Variants in MED31 observed in about 807,000 individuals in gnomAD.
MED31 encodes the protein mediator of RNA polymerase II transcription subunit 31.
Under a neutral mutation model 22.0 loss-of-function variants are expected in MED31, and 11 were observed. That is an observed-to-expected ratio of 0.50 (90% CI 0.31 to 0.83). The LOEUF is 0.83. Ranked by LOEUF, MED31 falls within the 40% of genes least tolerant of loss-of-function variation. The pLI, the probability that MED31 is intolerant of heterozygous loss-of-function variation, is 0.04. For synonymous variants in MED31, 60 were observed against 55.1 expected, an observed-to-expected ratio of 1.09 and a Z score of -0.40; for missense variants, 122 against 155.3, an observed-to-expected ratio of 0.79 and a Z score of 1.14.
chr17:6,645,337 A>C (rs919557997), intron 3 of MED31, among the ~76,000 whole-genome samples: 1 of 152,238 alleles, frequency 6.6e-6, no homozygotes, highest in East Asian at 1.9e-4. Context: ...GTGTGCATGT[A>C]TACACATACA....
rs1972729309 is a variant in MED31 at position 6,643,950 on chromosome 17, TAC to T, written c.*515_*516del. 4 of 396,420 alleles carry T rather than the reference TAC, an allele frequency of 1.0e-5. No individual in the cohort carries two copies. The highest frequency in any genetic ancestry group is 1.8e-5 in the Non-Finnish European group (4 of 225,092). 24.6% of individuals were successfully genotyped at this position (396,420 alleles called of 1,614,324 possible). ...TAAAGCCACCTTGCAAAGCAGGTAA[TAC>T]AGTTATTTCCTGTCCTGCAGAATTC... is the stretch of plus-strand genomic sequence containing the variant. On this transcript the variant is annotated 3_prime_UTR_variant, in exon 4 of 4. Coordinates refer to ENST00000225728, the MANE Select transcript of MED31 (RefSeq NM_016060.3).
At position 6,644,435 on chromosome 17, in the gene MED31, A is replaced by G. The variant is rs535402230; in HGVS notation, c.*32T>C. On this transcript the variant is annotated 3_prime_UTR_variant, in exon 4 of 4. Coordinates refer to ENST00000225728, the MANE Select transcript of MED31 (RefSeq NM_016060.3). ...TGTACAAAAGAAATACATTATATACATGTATTAAGTGCCTCGTTTGTATCC... is the reference window on the plus strand; with the variant it reads ...TGTACAAAAGAAATACATTATATACGTGTATTAAGTGCCTCGTTTGTATCC... The G allele has an allele frequency of 6.5e-6, 10 of 1,549,174 alleles. No individual in the cohort carries two copies. The highest frequency in any genetic ancestry group is 8.7e-6 in the Non-Finnish European group (10 of 1,152,324).
At chr17:6,647,189 A>G (rs1972778073) in intron 3 of MED31, among the ~76,000 whole-genome samples, 1 of 152,138 alleles carries the variant, frequency 6.6e-6, no homozygotes, top group African/African-American at 2.4e-5. Context: ...ATGATCAATA[A>G]ATACTGAAGG....
At chr17:6,650,298 CTCT>C in intron 2 of MED31, 55 bp downstream of exon 2, 1 of 1,534,262 alleles carries the variant, frequency 6.5e-7, no homozygotes, top group Non-Finnish European at 9.0e-7. Flanking sequence ...TGAACTGCAA[CTCT>C]TCTGTCAGAA....
intron 3 of MED31, among the ~76,000 whole-genome samples, chr17:6,649,175 C>A (rs1597634124): frequency 6.8e-6 from 1 of 146,896 alleles, no homozygotes; most frequent in African/African-American, 2.5e-5. Flanking sequence ...CTGCTTAAGA[C>A]AAAGCAGGGG....
In MED31 at chr17:6,644,409, C is replaced by T; in HGVS notation, c.*58G>A. On this transcript the variant is annotated 3_prime_UTR_variant, in exon 4 of 4. Transcript: ENST00000225728. ...AGAGTTTTCATTTTTTTTGTCTTCACTGTACAAAAGAAATACATTATATAC... is the reference window on the plus strand; with the variant it reads ...AGAGTTTTCATTTTTTTTGTCTTCATTGTACAAAAGAAATACATTATATAC... 3 of 1,475,672 alleles carry T rather than the reference C, an allele frequency of 2.0e-6. No individual in the cohort carries two copies. The highest frequency in any genetic ancestry group is 1.4e-5 in the African/African-American group (1 of 70,564). The allele number at this position is 1,475,672 out of a possible 1,614,324, so 91.4% of individuals were successfully genotyped here. A position where few individuals can be genotyped will look rare whatever the true frequency, so the allele number is the denominator to read the frequency against.
intron 3 of MED31, among the ~76,000 whole-genome samples, chr17:6,646,505 A>G (rs1360327738): frequency 6.6e-6 from 1 of 152,244 alleles, no homozygotes; most frequent in Non-Finnish European, 1.5e-5. Flanking sequence ...CTGTAAATTT[A>G]GCCCCAACTC....
At chr17:6,647,365 G>A (rs1452211647) in intron 3 of MED31, among the ~76,000 whole-genome samples, 1 of 152,234 alleles carries the variant, frequency 6.6e-6, no homozygotes, top group African/African-American at 2.4e-5. Flanking sequence ...CCTTCAGGAA[G>A]TATGCAGATA....
chr17:6,643,965 T>A lies in MED31; in HGVS notation c.*502A>T. The A allele has an allele frequency of 2.5e-6, 1 of 397,304 alleles. No individual in the cohort carries two copies. The highest frequency in any genetic ancestry group is 4.4e-6 in the Non-Finnish European group (1 of 225,622). The allele number at this position is 397,304 out of a possible 1,614,324, so 24.6% of individuals were successfully genotyped here. ...AAGCAGGTAATACAGTTATTTCCTG[T>A]CCTGCAGAATTCAAGAACCTTTATG... is the stretch of plus-strand genomic sequence containing the variant. On this transcript the variant is annotated 3_prime_UTR_variant, in exon 4 of 4. Transcript: ENST00000225728.
intron 3 of MED31, among the ~76,000 whole-genome samples, chr17:6,648,829 C>T (rs570971119): frequency 6.6e-6 from 1 of 152,324 alleles, no homozygotes; most frequent in South Asian, 2.1e-4. Context: ...CAGAGTAACA[C>T]GGGCTCAATG....
chr17:6,646,389 G>A (rs11867909), intron 3 of MED31, among the ~76,000 whole-genome samples: 57,565 of 152,050 alleles, frequency 0.38, 11,270 homozygotes, highest in Non-Finnish European at 0.43. Context: ...GAAGTGTGGG[G>A]AAAAGAGATC....
At chr17:6,647,337 G>GT (rs1250746012) in intron 3 of MED31, among the ~76,000 whole-genome samples, 1 of 152,230 alleles carries the variant, frequency 6.6e-6, no homozygotes, top group Non-Finnish European at 1.5e-5. Flanking sequence ...ATACCCACAG[G>GT]TGTGGAGGGG....
intron 3 of MED31, 167 bp downstream of exon 3, chr17:6,649,815 G>A: frequency 1.6e-6 from 1 of 621,316 alleles, no homozygotes; most frequent in Non-Finnish European, 2.5e-6. Context: ...TAACCAGGGA[G>A]TAGATTACTG....
At chr17:6,649,821 T>G in intron 3 of MED31, 161 bp downstream of exon 3, 1 of 657,884 alleles carries the variant, frequency 1.5e-6, no homozygotes, top group Non-Finnish European at 2.3e-6. Flanking sequence ...GGGAGTAGAT[T>G]ACTGCAGTGT....
At chr17:6,645,890 CTA>C (rs1257507490) in intron 3 of MED31, among the ~76,000 whole-genome samples, 1 of 152,098 alleles carries the variant, frequency 6.6e-6, no homozygotes, top group African/African-American at 2.4e-5. Context: ...AAGGATTTCC[CTA>C]TAAGATACTT....
chr17:6,644,509 G>C lies in MED31; in HGVS notation c.354C>G (p.Ala118=), dbSNP rs771592953. The C allele has an allele frequency of 1.9e-6, 3 of 1,609,718 alleles. No homozygotes were observed. The highest frequency in any genetic ancestry group is 2.2e-5 in the South Asian group (2 of 89,746). ...YSRKRMRLQQ[A]LAEQQQQNNT... ...TATTTTGCTGTTGCTGCTCTGCCAA[G>C]GCTTGCTGAAGGCGCATCCGCTTCC... The change falls in exon 4 of 4, where the codon GCC becomes GCG. Residue 118 remains alanine (A), a synonymous_variant. Transcript: ENST00000225728.
At chr17:6,650,249 T>C (rs1567603210) in intron 2 of MED31, 107 bp downstream of exon 2, 3 of 1,307,240 alleles carry the variant, frequency 2.3e-6, no homozygotes, top group Middle Eastern at 3.7e-4. Context: ...ATAAGTGTAA[T>C]GTCATTCAAC....
chr17:6,650,545 C>T, intron 1 of MED31, 112 bp from the exon 2 acceptor site: 1 of 927,086 alleles, frequency 1.1e-6, no homozygotes, highest in Non-Finnish European at 1.6e-6. Context: ...GATGGTCTTC[C>T]TAAACTAGGA....
At position 6,643,830 on chromosome 17, in the gene MED31, ATGTT is replaced by A. The variant is rs1190503001; in HGVS notation, c.*633_*636del. 1.8e-5 allele frequency: 6 copies of A among 326,712 alleles called. No individual in the cohort carries two copies. In the East Asian group the frequency reaches 2.4e-4, roughly 13 times the overall value. 20.2% of individuals were successfully genotyped at this position (326,712 alleles called of 1,614,324 possible). A position where few individuals can be genotyped will look rare whatever the true frequency, so the allele number is the denominator to read the frequency against. On this transcript the variant is annotated 3_prime_UTR_variant, in exon 4 of 4. Coordinates refer to ENST00000225728, the MANE Select transcript of MED31 (RefSeq NM_016060.3). ...TGAACACAAGTATTTGAGGCTCCTC[ATGTT>A]TGTTCTAAAGTCAAGAGTCCAGTTA... is the stretch of plus-strand genomic sequence containing the variant.
Sources: allele counts gnomAD v4.1 joint callset (sites outside exome capture counted in the v4.1 genomes callset), GRCh38; gene constraint gnomAD v4.1.1; transcripts MANE v1.5; gene names NCBI Gene and HGNC (gene_info 2026-07-23, HGNC 2026-07-21).